Variants in TPM4 observed in about 807,000 individuals in gnomAD.
TPM4 encodes tropomyosin 4, also known as tropomyosin alpha-4 chain.
Under a neutral mutation model 35.8 loss-of-function variants are expected in TPM4, and 17 were observed. The ratio of observed to expected loss-of-function variants is 0.47; its 90% CI spans 0.32 to 0.71. TPM4 has a LOEUF of 0.71. TPM4 is among the 30% of genes least tolerant of loss of function. The probability of loss-of-function intolerance (pLI) is 0.03; values close to 1 mark genes in which losing one functional copy is unlikely to be tolerated. For missense variants in TPM4, 240 were observed against 320.9 expected, an observed-to-expected ratio of 0.75 and a Z score of 1.93; for synonymous variants, 120 against 122.9, an observed-to-expected ratio of 0.98 and a Z score of 0.15.
upstream of TPM4, among the ~76,000 whole-genome samples, chr19:16,073,052 A>G (rs1297714899): frequency 6.6e-6 from 1 of 151,436 alleles, no homozygotes; most frequent in Non-Finnish European, 1.5e-5. Flanking sequence ...AAACAAAAAA[A>G]CCCCAAACCA....
chr19:16,072,493 G>A (rs2090364791), upstream of TPM4, among the ~76,000 whole-genome samples: 1 of 152,236 alleles, frequency 6.6e-6, no homozygotes, highest in Admixed American at 6.5e-5. Context: ...TAGAAGTCAA[G>A]CAAACCAGCT....
Position 16,086,528 on chromosome 19 carries a change from C to A in TPM4, c.372C>A (p.Arg124=), listed in dbSNP as rs143263059. The A allele has an allele frequency of 6.2e-7, 1 of 1,612,812 alleles. No individual in the cohort carries two copies. Among genetic ancestry groups the A allele is most frequent in the African/African-American group, 1.3e-5 (1 of 74,834 alleles). The change falls in exon 3 of 8, where the codon CGC becomes CGA. Residue 124 remains arginine, a synonymous_variant. Coordinates refer to ENST00000643579, the MANE Select transcript of TPM4 (RefSeq NM_003290.3). ...EAKHIAEEAD[R]KYEEVARKLV... is the part of the protein sequence containing the mutation. ...AGCACATTGCGGAAGAGGCTGACCG[C>A]AAATACGAGGAGGTGAGTGGGGCTG...
Position 16,101,389 on chromosome 19 carries a change from C to T in TPM4, c.*43C>T, listed in dbSNP as rs1345891756. The T allele has an allele frequency of 1.3e-5, 19 of 1,455,890 alleles. No individual in the cohort carries two copies. Among genetic ancestry groups the T allele is most frequent in the Admixed American group, 7.3e-5 (3 of 41,308 alleles). 90.2% of individuals were successfully genotyped at this position (1,455,890 alleles called of 1,614,324 possible). A position where few individuals can be genotyped will look rare whatever the true frequency, so the allele number is the denominator to read the frequency against. On this transcript the variant is annotated 3_prime_UTR_variant, in exon 8 of 8. Coordinates refer to ENST00000643579, the MANE Select transcript of TPM4 (RefSeq NM_003290.3). ...TGTTCCAACAGAAACTCTGGAGCTCCGTGGGTCTTTCTCTTCTCTTGTAAG... is the reference window on the plus strand; with the variant it reads ...TGTTCCAACAGAAACTCTGGAGCTCTGTGGGTCTTTCTCTTCTCTTGTAAG...
chr19:16,088,397 G>A (rs2090585456), intron 4 of TPM4: 2 of 1,241,942 alleles, frequency 1.6e-6, no homozygotes, highest in Admixed American at 3.4e-5. Flanking sequence ...GATATCTCAG[G>A]GGGCTGTGCC....
upstream of TPM4, chr19:16,076,236 C>G (rs568160037): frequency 6.5e-7 from 1 of 1,546,146 alleles, no homozygotes; most frequent in Non-Finnish European, 8.7e-7. Flanking sequence ...GCCGGGAAGG[C>G]GGGGAGAGCC....
chr19:16,083,762 T>TC (rs1264674326), intron 2 of TPM4, among the ~76,000 whole-genome samples: 1 of 148,896 alleles, frequency 6.7e-6, no homozygotes, highest in African/African-American at 2.5e-5. Context: ...CATTTCTTTT[T>TC]TTTTTTTTTT....
chr19:16,067,647 T>C lies in TPM4; in HGVS notation c.23T>C (p.Met8Thr). Reference sequence around the variant, plus strand: ...GCCATGGAGGCCATCAAGAAGAAAATGCAGATGCTGAAGTTGGACAAGGAG... The same window carrying C: ...GCCATGGAGGCCATCAAGAAGAAAACGCAGATGCTGAAGTTGGACAAGGAG... The change falls in exon 2 of 3, where the codon ATG becomes ACG. Residue 8 changes from methionine to threonine, a missense_variant. Coordinates refer to the TPM4 transcript ENST00000589897. The surrounding 1 kb of genome is among the most constrained non-coding windows in gnomAD (Gnocchi z 4.1). 6.2e-7 allele frequency: 1 copy of C among 1,613,498 alleles called. No homozygotes were observed. Among genetic ancestry groups the C allele is most frequent in the East Asian group, 2.2e-5 (1 of 44,820 alleles).
upstream of TPM4, chr19:16,076,487 G>A (rs2090407346): frequency 3.8e-6 from 5 of 1,332,866 alleles, no homozygotes; most frequent in Non-Finnish European, 4.8e-6. Context: ...GGGGGCCGGG[G>A]CGCGGCTGTG....
At chr19:16,086,579 G>C in intron 3 of TPM4, 39 bp downstream of exon 3, 2 of 1,554,488 alleles carry the variant, frequency 1.3e-6, no homozygotes, top group South Asian at 2.3e-5. Context: ...GCAGGAAGTG[G>C]GAGGAAATGC....
At chr19:16,077,509 C>G (rs927574961) in intron 1 of TPM4, 1 of 152,242 alleles carries the variant, frequency 6.6e-6, no homozygotes, top group East Asian at 1.9e-4. Context: ...TCACCATCCT[C>G]TCTGCATCAT....
At chr19:16,093,867 G>T in intron 7 of TPM4, 114 bp downstream of exon 7, 1 of 1,116,124 alleles carries the variant, frequency 9.0e-7, no homozygotes, top group Non-Finnish European at 1.3e-6. Context: ...TTTGCCTTAG[G>T]AAAGTAAAGC....
At chr19:16,076,961 G>T in intron 1 of TPM4, 1 of 561,380 alleles carries the variant, frequency 1.8e-6, no homozygotes, top group Non-Finnish European at 2.5e-6. Context: ...ATGGGGGGAT[G>T]GGGCGGAGGG....
chr19:16,088,223 A>G, intron 4 of TPM4, 126 bp downstream of exon 4: 3 of 1,442,310 alleles, frequency 2.1e-6, no homozygotes, highest in Non-Finnish European at 2.8e-6. Flanking sequence ...TCAGGGGCTC[A>G]TGGCTCATCT....
chr19:16,084,795 TG>T (rs2090527292), intron 2 of TPM4, among the ~76,000 whole-genome samples: 2 of 151,798 alleles, frequency 1.3e-5, no homozygotes, highest in South Asian at 4.2e-4. Context: ...CTCGTACAGG[TG>T]GGGGAGGGTG....
At chr19:16,072,669 CA>C (rs140875526), upstream of TPM4, among the ~76,000 whole-genome samples, 3,052 of 152,310 alleles carry the variant, frequency 0.02, 117 homozygotes, top group African/African-American at 0.07. Flanking sequence ...GTAATCCCAG[CA>C]CTTCAGGAGG....
intron 1 of TPM4, among the ~76,000 whole-genome samples, chr19:16,078,830 T>TA (rs55714667): frequency 0.036 from 4,548 of 126,356 alleles, 138 homozygotes; most frequent in African/African-American, 0.082. Context: ...AGGGGTGGGT[T>TA]AAAAAAAAAA....
rs1233634772 is a variant in TPM4 at position 16,070,271 on chromosome 19, T to C, written c.114+2533T>C. On this transcript the variant is annotated intron_variant, in intron 2 of 2. Transcript: ENST00000589897. The surrounding 1 kb of genome is among the most constrained non-coding windows in gnomAD (Gnocchi z 7.4). ...TGGGAACCCTGGCAATGAGAATGCA[T>C]TGGAGTTCCAAGGCCGTGGCCATGG... Among the ~76,000 whole-genome samples the C allele has an allele frequency of 6.6e-6, 1 of 152,104 alleles. No homozygotes were observed. The highest frequency in any genetic ancestry group is 1.5e-5 in the Non-Finnish European group (1 of 68,020).
chr19:16,091,901 G>A (rs537249261), intron 5 of TPM4, among the ~76,000 whole-genome samples: 65 of 152,208 alleles, frequency 4.3e-4, no homozygotes, highest in African/African-American at 1.5e-3. Flanking sequence ...ATGGTAAGCA[G>A]CTAATAAGTG....
rs1173378292 is a variant in TPM4 at position 16,101,476 on chromosome 19, T to A, written c.*130T>A. 1 of 589,316 alleles carries A rather than the reference T, an allele frequency of 1.7e-6. No individual in the cohort carries two copies. Among genetic ancestry groups the A allele is most frequent in the African/African-American group, 1.9e-5 (1 of 52,020 alleles). The allele number at this position is 589,316 out of a possible 1,614,324, so 36.5% of individuals were successfully genotyped here. A position where few individuals can be genotyped will look rare whatever the true frequency, so the allele number is the denominator to read the frequency against. On this transcript the variant is annotated 3_prime_UTR_variant, in exon 8 of 8. Transcript: ENST00000643579. Reference sequence around the variant, plus strand: ...AAATGTCAAGCAAATTATGAATACATGACCAAATATTTTGTATCGGAGAAG... The same window carrying A: ...AAATGTCAAGCAAATTATGAATACAAGACCAAATATTTTGTATCGGAGAAG...
Sources: allele counts gnomAD v4.1 joint callset (sites outside exome capture counted in the v4.1 genomes callset), GRCh38; gene constraint gnomAD v4.1.1; non-coding constraint Gnocchi (gnomAD v3.1); transcripts MANE v1.5; gene names NCBI Gene and HGNC (gene_info 2026-07-23, HGNC 2026-07-21).